BCHE: variants seen among roughly 807,000 people sequenced by gnomAD.
BCHE encodes butyrylcholinesterase.
In BCHE, 48 loss-of-function variants were observed where a neutral mutation model predicts 51.3. The ratio of observed to expected loss-of-function variants is 0.94; its 90% confidence interval spans 0.74 to 1.19. The LOEUF (loss-of-function observed/expected upper bound fraction) is 1.19. Ranked by LOEUF, BCHE falls within the 50% of genes most tolerant of loss-of-function variation. The pLI, the probability that BCHE is intolerant of heterozygous loss-of-function variation, is 0.00. For synonymous variants in BCHE, 251 were observed against 238.0 expected, an observed-to-expected ratio of 1.05 and a Z score of -0.50; for missense variants, 847 against 708.2, an observed-to-expected ratio of 1.20 and a Z score of -2.23.
chr3:165,803,531 C>G (rs1434064129), intron 2 of BCHE, among the ~76,000 whole-genome samples: 1 of 152,088 alleles, frequency 6.6e-6, no homozygotes, highest in Non-Finnish European at 1.5e-5. Flanking sequence ...CATCCAATTC[C>G]CAGACTATAT....
intron 2 of BCHE, among the ~76,000 whole-genome samples, chr3:165,816,405 G>T (rs142834028): frequency 6.6e-6 from 1 of 151,962 alleles, no homozygotes; most frequent in South Asian, 2.1e-4. Context: ...CCATGAAAAA[G>T]CAAGGCCAAT....
At chr3:165,828,756 A>G (rs1414138436) in intron 2 of BCHE, among the ~76,000 whole-genome samples, 1 of 152,108 alleles carries the variant, frequency 6.6e-6, no homozygotes, top group Non-Finnish European at 1.5e-5. Flanking sequence ...TTTATTTTCT[A>G]TAGATACACA....
intron 3 of BCHE, among the ~76,000 whole-genome samples, chr3:165,784,906 T>C (rs1159597079): frequency 6.6e-6 from 1 of 151,802 alleles, no homozygotes; most frequent in African/African-American, 2.4e-5. Context: ...TCTTGGCATA[T>C]TAATGAGTTA....
At chr3:165,833,216 T>C (rs917497761) in intron 1 of BCHE, among the ~76,000 whole-genome samples, 2 of 152,188 alleles carry the variant, frequency 1.3e-5, no homozygotes, top group African/African-American at 4.8e-5. Context: ...ACATTCATGA[T>C]ATTTAGGTAC....
At position 165,837,341 on chromosome 3, in the gene BCHE, G is replaced by A. The variant is rs1183541272; in HGVS notation, c.-36C>T. Reference sequence around the variant, plus strand: ...GATTCTCTGCAACAAAGATGGCAAAGTTTGCAAGGAGTGAAAATCATGTAA... The same window carrying A: ...GATTCTCTGCAACAAAGATGGCAAAATTTGCAAGGAGTGAAAATCATGTAA... On this transcript the variant is annotated 5_prime_UTR_variant, in exon 1 of 4. Transcript: ENST00000264381. 16 of 1,289,768 alleles carry A rather than the reference G, an allele frequency of 1.2e-5. No homozygotes were observed. The highest frequency in any genetic ancestry group is 1.6e-5 in the Non-Finnish European group (16 of 988,826). The allele number at this position is 1,289,768 out of a possible 1,614,324, so 79.9% of individuals were successfully genotyped here. A position where few individuals can be genotyped will look rare whatever the true frequency, so the allele number is the denominator to read the frequency against.
chr3:165,778,188 C>T (rs942408049), intron 3 of BCHE: 1 of 152,528 alleles, frequency 6.6e-6, no homozygotes, highest in Non-Finnish European at 1.5e-5. Flanking sequence ...AATACTTTTA[C>T]ACTAAAACAA....
chr3:165,786,096 T>A (rs1380111567), intron 3 of BCHE, 49 bp downstream of exon 3: 3 of 1,572,758 alleles, frequency 1.9e-6, no homozygotes, highest in Non-Finnish European at 2.6e-6. Flanking sequence ...ATCCCTTTTT[T>A]ACATAACCCA....
chr3:165,780,917 A>C (rs1273749696), intron 3 of BCHE, among the ~76,000 whole-genome samples: 12 of 152,146 alleles, frequency 7.9e-5, no homozygotes, highest in Admixed American at 7.9e-4. Flanking sequence ...CTGGGTGTAT[A>C]CCCAAAGGAA....
intron 2 of BCHE, among the ~76,000 whole-genome samples, chr3:165,825,806 T>C (rs139349163): frequency 6.6e-6 from 1 of 151,914 alleles, no homozygotes; most frequent in African/African-American, 2.4e-5. Flanking sequence ...TTCTTACAAG[T>C]CAATGAGAGA....
At chr3:165,785,736 CAAT>C (rs1712920580) in intron 3 of BCHE, among the ~76,000 whole-genome samples, 1 of 151,424 alleles carries the variant, frequency 6.6e-6, no homozygotes, top group South Asian at 2.1e-4. Context: ...TATTATTTAT[CAAT>C]AAATCTGTTT....
intron 2 of BCHE, among the ~76,000 whole-genome samples, chr3:165,811,395 A>G (rs1205509298): frequency 1.3e-5 from 2 of 151,056 alleles, no homozygotes; most frequent in African/African-American, 2.4e-5. Flanking sequence ...ATGGATGGAT[A>G]ACAAGTTGTA....
At chr3:165,796,116 A>G (rs2108209823) in intron 2 of BCHE, among the ~76,000 whole-genome samples, 1 of 152,318 alleles carries the variant, frequency 6.6e-6, no homozygotes, top group Admixed American at 6.5e-5. Context: ...ATTACACTTC[A>G]TTTAAAAAAA....
intron 3 of BCHE, among the ~76,000 whole-genome samples, chr3:165,777,283 A>ATAT (rs1387256046): frequency 2.6e-5 from 4 of 151,972 alleles, no homozygotes; most frequent in Non-Finnish European, 5.9e-5. Flanking sequence ...GTAAGAATAC[A>ATAT]GTTGATTTAA....
intron 2 of BCHE, among the ~76,000 whole-genome samples, chr3:165,793,240 T>C (rs1560007741): frequency 6.6e-6 from 1 of 152,222 alleles, no homozygotes; most frequent in South Asian, 2.1e-4. Flanking sequence ...ACAGCTATAA[T>C]ATTATAAAAT....
At chr3:165,775,321 T>G (rs1392383502) in intron 3 of BCHE, among the ~76,000 whole-genome samples, 2 of 151,952 alleles carry the variant, frequency 1.3e-5, no homozygotes, top group African/African-American at 4.8e-5. Context: ...AGTGTTTCAC[T>G]TTCATGTAAA....
intron 2 of BCHE, among the ~76,000 whole-genome samples, chr3:165,818,741 T>C (rs1299738004): frequency 1.3e-5 from 2 of 152,158 alleles, no homozygotes; most frequent in African/African-American, 4.8e-5. Context: ...ATTACCAATC[T>C]AGTTGTTGCT....
At chr3:165,836,119 A>T (rs985412441) in intron 1 of BCHE, among the ~76,000 whole-genome samples, 3 of 151,958 alleles carry the variant, frequency 2.0e-5, no homozygotes, top group Non-Finnish European at 4.4e-5. Context: ...CAATTAAAAA[A>T]CTAGGACAAT....
At chr3:165,782,145 C>T (rs1450673739) in intron 3 of BCHE, among the ~76,000 whole-genome samples, 1 of 151,986 alleles carries the variant, frequency 6.6e-6, no homozygotes, top group Non-Finnish European at 1.5e-5. Context: ...TACCTATGAC[C>T]TATTAATTTG....
chr3:165,809,926 G>C (rs1714029330), intron 2 of BCHE, among the ~76,000 whole-genome samples: 1 of 152,034 alleles, frequency 6.6e-6, no homozygotes, highest in Non-Finnish European at 1.5e-5. Context: ...ACAGCTTATG[G>C]GAAAATGCTC....
Sources: gnomAD v4.1 joint callset for allele counts (sites outside exome capture counted in the v4.1 genomes callset) on GRCh38, gnomAD v4.1.1 for gene constraint, MANE v1.5 for transcripts, NCBI Gene and HGNC (gene_info 2026-07-23, HGNC 2026-07-21) for gene names.